The following STMP1 variants were observed in gnomAD, a reference collection of about 807,000 sequenced individuals.
STMP1 encodes short transmembrane mitochondrial protein 1, also known as mitolamban.
In STMP1, 7 loss-of-function variants were observed where a neutral mutation model predicts 7.0. That is an observed-to-expected ratio of 1.01 (90% CI 0.57 to 1.89). The LOEUF (loss-of-function observed/expected upper bound fraction) is 1.89. Among genes scored for constraint, STMP1 ranks in the 40% most tolerant of loss-of-function variants. STMP1 has a pLI of 0.00. For synonymous variants in STMP1, 19 were observed against 18.4 expected, an observed-to-expected ratio of 1.03 and a Z score of -0.08; for missense variants, 45 against 53.0, an observed-to-expected ratio of 0.85 and a Z score of 0.47.
intron 2 of STMP1, chr7:135,673,213 G>A: frequency 5.2e-6 from 1 of 193,986 alleles, no homozygotes; most frequent in South Asian, 1.1e-4. Context: ...CTGGGTAGGG[G>A]GACTGAAAAA....
intron 2 of STMP1, chr7:135,673,256 G>A: frequency 6.1e-6 from 1 of 164,122 alleles, no homozygotes. Context: ...AAAATTCTAA[G>A]TGTAGCACAT....
intron 1 of STMP1, among the ~76,000 whole-genome samples, chr7:135,665,131 A>G (rs1440000480): frequency 6.6e-6 from 1 of 152,208 alleles, no homozygotes; most frequent in East Asian, 1.9e-4. Flanking sequence ...GGTTCATTTG[A>G]ACCCTGATTG....
Position 135,674,171 on chromosome 7 carries a change from C to T in STMP1, c.*6C>T, listed in dbSNP as rs746700561. The T allele has an allele frequency of 6.5e-7, 1 of 1,540,758 alleles. No individual in the cohort carries two copies. The highest frequency in any genetic ancestry group is 1.2e-5 in the South Asian group (1 of 82,726). ...AGAAACCCCCTAGTGCATGAGACTG[C>T]CTCCAGCACTGCCTTCAGGATATAC... On this transcript the variant is annotated 3_prime_UTR_variant, in exon 3 of 3. Transcript: ENST00000507606.
chr7:135,672,781 G>T lies in STMP1; in HGVS notation c.44G>T (p.Gly15Val), dbSNP rs1563150289. The T allele has an allele frequency of 1.9e-6, 3 of 1,551,610 alleles. No homozygotes were observed. Among genetic ancestry groups the T allele is most frequent in the Non-Finnish European group, 2.6e-6 (3 of 1,146,936 alleles). ...GGATTTACACTGGGCAACGTGGTTGGAATGTATCTGGCTCAGAACTATGAT... is the reference window on the plus strand; with the variant it reads ...GGATTTACACTGGGCAACGTGGTTGTAATGTATCTGGCTCAGAACTATGAT... ...LLGFTLGNVV[G>V]MYLAQNYDIP... Residue 15 changes from glycine (G) to valine (V), a missense_variant, in exon 2 of 3, where the codon GGA becomes GTA. Coordinates refer to ENST00000507606, the MANE Select transcript of STMP1 (RefSeq NM_001130929.2).
intron 1 of STMP1, among the ~76,000 whole-genome samples, chr7:135,668,956 A>C (rs1308311143): frequency 6.6e-6 from 1 of 152,218 alleles, no homozygotes; most frequent in Non-Finnish European, 1.5e-5. Flanking sequence ...ACATGGGAAA[A>C]AGGGTTTAAT....
chr7:135,672,364 T>G (rs540560775), intron 1 of STMP1, among the ~76,000 whole-genome samples: 1 of 152,356 alleles, frequency 6.6e-6, no homozygotes, highest in African/African-American at 2.4e-5. Flanking sequence ...ACAAAAAAAT[T>G]GCAGCATGCA....
intron 1 of STMP1, among the ~76,000 whole-genome samples, chr7:135,669,307 C>G (rs1267939928): frequency 6.6e-6 from 1 of 152,214 alleles, no homozygotes; most frequent in Non-Finnish European, 1.5e-5. Flanking sequence ...ATATATTTTT[C>G]AAGTATGATT....
intron 1 of STMP1, among the ~76,000 whole-genome samples, chr7:135,671,554 TAAAACTC>T (rs1210491208): frequency 6.6e-6 from 1 of 152,256 alleles, no homozygotes; most frequent in Non-Finnish European, 1.5e-5. Flanking sequence ...TTATTATCAT[TAAAACTC>T]AAAGCTGAGG....
chr7:135,671,213 CT>C (rs1209594857), intron 1 of STMP1, among the ~76,000 whole-genome samples: 1 of 152,064 alleles, frequency 6.6e-6, no homozygotes, highest in Non-Finnish European at 1.5e-5. Context: ...ATAAGATAGA[CT>C]CTTCTATGAT....
In STMP1 at chr7:135,667,005, A is replaced by G. The variant is rs150264767; in HGVS notation, c.15+4411A>G. On this transcript the variant is annotated intron_variant, in intron 1 of 2. Transcript: ENST00000507606. Reference sequence around the variant, plus strand: ...TCACTAGTAATGTATGACGGCTTCAATTTCTCCACATCCTCGCCAACATTT... The same window carrying G: ...TCACTAGTAATGTATGACGGCTTCAGTTTCTCCACATCCTCGCCAACATTT... Among the ~76,000 whole-genome samples the G allele has an allele frequency of 1.7e-3, 255 of 152,306 alleles. 1 individual carries two copies. Among genetic ancestry groups the G allele is most frequent in the African/African-American group, 5.8e-3 (241 of 41,570 alleles).
At position 135,674,351 on chromosome 7, in the gene STMP1, C is replaced by G; in HGVS notation, c.*186C>G. The G allele has an allele frequency of 5.5e-6, 3 of 548,372 alleles. No homozygotes were observed. Among genetic ancestry groups the G allele is most frequent in the Non-Finnish European group, 6.5e-6 (2 of 307,050 alleles). The allele number at this position is 548,372 out of a possible 1,614,324, so 34.0% of individuals were successfully genotyped here. A position where few individuals can be genotyped will look rare whatever the true frequency, so the allele number is the denominator to read the frequency against. ...CCAATTTGAGAACTACCCGACATTT[C>G]CAACATACTCACCTCTTCCCATAAT... On this transcript the variant is annotated 3_prime_UTR_variant, in exon 3 of 3. Coordinates refer to ENST00000507606, the MANE Select transcript of STMP1 (RefSeq NM_001130929.2).
Position 135,662,599 on chromosome 7 carries a change from G to A in STMP1, c.15+5G>A. 1 of 1,547,638 alleles carries A rather than the reference G, an allele frequency of 6.5e-7. No individual in the cohort carries two copies. The highest frequency in any genetic ancestry group is 8.7e-7 in the Non-Finnish European group (1 of 1,145,418). ...GACATCATGCTCCAGTTCCTGGTGA[G>A]TGGAGCTGCCGAAGAGCGGGGCCCG... On this transcript the variant is annotated splice_donor_5th_base_variant and intron_variant, in intron 1 of 2. Transcript: ENST00000507606.
At chr7:135,672,666 G>A in intron 1 of STMP1, 87 bp from the exon 2 acceptor site, 3 of 974,638 alleles carry the variant, frequency 3.1e-6, no homozygotes, top group Non-Finnish European at 4.8e-6. Context: ...AGCTTCTTAG[G>A]AAGATATTGT....
rs978302051 is a variant in STMP1, at chr7:135,662,528, C to T, written c.-52C>T. The T allele has an allele frequency of 1.2e-5, 19 of 1,535,956 alleles. No individual in the cohort carries two copies. Among genetic ancestry groups the T allele is most frequent in the Admixed American group, 2.0e-5 (1 of 49,952 alleles). On this transcript the variant is annotated 5_prime_UTR_variant, in exon 1 of 3. Coordinates refer to ENST00000507606, the MANE Select transcript of STMP1 (RefSeq NM_001130929.2). ...CATGGGGAGGTAGGCTCGGACCGGC[C>T]CGCGGAGCTGCTGCAGTCCTTCGCG...
intron 1 of STMP1, among the ~76,000 whole-genome samples, chr7:135,666,632 G>C (rs1795296654): frequency 6.7e-6 from 1 of 150,282 alleles, no homozygotes; most frequent in Non-Finnish European, 1.5e-5. Flanking sequence ...GTGAGCCACT[G>C]TGCCTGGCCT....
Position 135,672,814 on chromosome 7 carries a change from G to A in STMP1, c.69+8G>A. ...CTGGCTCAGAACTATGATGTAAGTG[G>A]CCATATCCATGACTTCCTTGATTCC... On this transcript the variant is annotated splice_region_variant and intron_variant, in intron 2 of 2. Transcript: ENST00000507606. 6.5e-7 allele frequency: 1 copy of A among 1,550,176 alleles called. No homozygotes were observed. The highest frequency in any genetic ancestry group is 8.7e-7 in the Non-Finnish European group (1 of 1,145,652).
chr7:135,665,678 G>A (rs1795284490), intron 1 of STMP1: 1 of 151,008 alleles, frequency 6.6e-6, no homozygotes, highest in Non-Finnish European at 1.5e-5. Flanking sequence ...TCCAGTTTTA[G>A]TGTATGTGCT....
chr7:135,674,531 C>T lies in STMP1; in HGVS notation c.*366C>T, dbSNP rs1466339043. On this transcript the variant is annotated 3_prime_UTR_variant, in exon 3 of 3. Transcript: ENST00000507606. ...TGAGTTTTGTATAGCTGGTCAGATA[C>T]AAATAATAGTGACTTCACAGTTTAG... The T allele has an allele frequency of 5.8e-6, 1 of 173,742 alleles. No individual in the cohort carries two copies. The highest frequency in any genetic ancestry group is 1.2e-5 in the Non-Finnish European group (1 of 82,312). The allele number at this position is 173,742 out of a possible 1,614,324, so 10.8% of individuals were successfully genotyped here.
In STMP1 at chr7:135,674,111, A is replaced by G. The variant is rs1298927883; in HGVS notation, c.90A>G (p.Lys30=). 1.3e-6 allele frequency: 2 copies of G among 1,550,734 alleles called. No individual in the cohort carries two copies. The highest frequency in any genetic ancestry group is 1.7e-6 in the Non-Finnish European group (2 of 1,146,732). Residue 30 remains lysine, a synonymous_variant, in exon 3 of 3, where the codon AAA becomes AAG. Coordinates refer to ENST00000507606, the MANE Select transcript of STMP1 (RefSeq NM_001130929.2). The stretch of plus-strand genomic sequence containing the variant: ...CAAAGATACCAAACCTGGCTAAAAA[A>G]CTTGAAGAAATTAAAAAGGACTTGG... ...QNYDIPNLAK[K]LEEIKKDLDA... is the part of the protein sequence containing the mutation.
Sources: allele counts gnomAD v4.1 joint callset (sites outside exome capture counted in the v4.1 genomes callset), GRCh38; gene constraint gnomAD v4.1.1; transcripts MANE v1.5; gene names NCBI Gene and HGNC (gene_info 2026-07-23, HGNC 2026-07-21).